PIK3C3: variants seen among roughly 807,000 people sequenced by gnomAD.
The protein encoded by PIK3C3 is phosphatidylinositol 3-kinase catalytic subunit type 3.
In PIK3C3, 95 loss-of-function variants were observed where a neutral mutation model predicts 126.1. That is an observed-to-expected ratio of 0.75 (90% CI 0.64 to 0.89). The LOEUF is 0.89. PIK3C3 is among the 40% of genes least tolerant of loss of function. The pLI, the probability that PIK3C3 is intolerant of heterozygous loss-of-function variation, is 0.00. For synonymous variants in PIK3C3, 374 were observed against 360.0 expected (o/e 1.04, Z -0.44); for missense variants, 829 against 1,063.2 (o/e 0.78, Z 3.06).
chr18:42,010,812 A>C (rs12457525), intron 10 of PIK3C3, among the ~76,000 whole-genome samples: 34,080 of 152,098 alleles, frequency 0.22, 4,306 homozygotes, highest in South Asian at 0.4. Flanking sequence ...TTTTGCCCAG[A>C]TCCATTACAG....
At chr18:42,071,551 C>A (rs1026787308) in intron 24 of PIK3C3, among the ~76,000 whole-genome samples, 1 of 151,936 alleles carries the variant, frequency 6.6e-6, no homozygotes. Context: ...GAAACCCTGT[C>A]TCTACTAAAA....
chr18:42,051,267 A>G (rs1984790625), intron 21 of PIK3C3: 1 of 152,246 alleles, frequency 6.6e-6, no homozygotes, highest in Non-Finnish European at 1.5e-5. Flanking sequence ...TAAAGTGTTC[A>G]ATAAATCAGT....
chr18:42,000,306 C>A (rs920159956), intron 9 of PIK3C3, among the ~76,000 whole-genome samples: 1 of 152,144 alleles, frequency 6.6e-6, no homozygotes, highest in African/African-American at 2.4e-5. Context: ...CCTGCCTCAG[C>A]CTCCCAAAGC....
At chr18:41,989,285 A>G (rs1226921190) in intron 5 of PIK3C3, among the ~76,000 whole-genome samples, 1 of 152,082 alleles carries the variant, frequency 6.6e-6, no homozygotes, top group African/African-American at 2.4e-5. Context: ...TGCCCAGGAT[A>G]GTCTCAGACT....
rs577497494 is a variant in PIK3C3 at position 42,018,989 on chromosome 18, T to C, written c.1417-1649T>C. On this transcript the variant is annotated intron_variant, in intron 12 of 24. Transcript: ENST00000262039. ...ACGTGTTGATCTTCCTGCTCTGCAG[T>C]GATTTTTCATACCATTTCCACTCTG... Among the ~76,000 whole-genome samples, 30 of 152,138 alleles carry C rather than the reference T, an allele frequency of 2.0e-4. No individual in the cohort carries two copies. The East Asian group carries it at 5.6e-3, about 28-fold the overall frequency.
At chr18:42,041,246 C>T (rs1042984216) in intron 19 of PIK3C3, among the ~76,000 whole-genome samples, 1 of 151,604 alleles carries the variant, frequency 6.6e-6, no homozygotes, top group Non-Finnish European at 1.5e-5. Context: ...AATTTGTTAA[C>T]GTTTATTTAT....
chr18:42,049,744 C>G, intron 21 of PIK3C3, 139 bp downstream of exon 21: 1 of 597,160 alleles, frequency 1.7e-6, no homozygotes, highest in Admixed American at 2.6e-5. Context: ...GAGGCCAAGG[C>G]GGGTGGATCA....
At chr18:42,066,188 GT>G (rs1258341491) in intron 23 of PIK3C3, among the ~76,000 whole-genome samples, 1 of 152,108 alleles carries the variant, frequency 6.6e-6, no homozygotes, top group Non-Finnish European at 1.5e-5. Flanking sequence ...CCACCAAATT[GT>G]TCTTGTCTTC....
intron 3 of PIK3C3, among the ~76,000 whole-genome samples, chr18:41,969,791 C>G (rs1980561282): frequency 6.6e-6 from 1 of 152,178 alleles, no homozygotes. Context: ...GATACAAGTC[C>G]TTTTATCCTA....
At chr18:41,971,474 A>AC (rs1267162812) in intron 4 of PIK3C3, 1 of 152,124 alleles carries the variant, frequency 6.6e-6, no homozygotes, top group Non-Finnish European at 1.5e-5. Context: ...AACTATATTG[A>AC]CCAATATACT....
At chr18:41,980,179 A>G (rs1169089370) in intron 4 of PIK3C3, among the ~76,000 whole-genome samples, 1 of 152,078 alleles carries the variant, frequency 6.6e-6, no homozygotes, top group Admixed American at 6.6e-5. Context: ...ATTGCTTTCA[A>G]TTGATTATAT....
chr18:42,031,452 C>T (rs768102106), intron 15 of PIK3C3, among the ~76,000 whole-genome samples: 2 of 152,144 alleles, frequency 1.3e-5, no homozygotes, highest in African/African-American at 2.4e-5. Flanking sequence ...AGTCTTGCTC[C>T]GTCGTCCAGG....
intron 23 of PIK3C3, among the ~76,000 whole-genome samples, chr18:42,065,281 C>T (rs1389122487): frequency 6.6e-6 from 1 of 152,054 alleles, no homozygotes; most frequent in East Asian, 1.9e-4. Context: ...TCCGTAGAAA[C>T]ACCCTGAGAT....
At chr18:42,053,214 A>C (rs1462666536) in intron 21 of PIK3C3, among the ~76,000 whole-genome samples, 1 of 152,222 alleles carries the variant, frequency 6.6e-6, no homozygotes, top group East Asian at 1.9e-4. Context: ...ATGTGAAAGA[A>C]AATGATTCGC....
At chr18:41,959,227 C>T (rs1223090810) in intron 2 of PIK3C3, among the ~76,000 whole-genome samples, 2 of 152,160 alleles carry the variant, frequency 1.3e-5, no homozygotes, top group East Asian at 3.9e-4. Flanking sequence ...TGTATAGTGG[C>T]TTCTGTTGCA....
Position 41,990,493 on chromosome 18 carries a change from T to C in PIK3C3, c.653T>C (p.Met218Thr). The change falls in exon 6 of 25, where the codon ATG becomes ACG. Residue 218 changes from methionine (M) to threonine (T), a missense_variant. Transcript: ENST00000262039. ...CGAAGTTCTAATTTCATGTACCTGA[T>C]GGTTGAATTTCGATGTGTCAAGTGT... is the stretch of plus-strand genomic sequence containing the variant. ...EKRSSNFMYL[M>T]VEFRCVKCDD... 3 of 1,600,132 alleles carry C rather than the reference T, an allele frequency of 1.9e-6. No individual in the cohort carries two copies. The highest frequency in any genetic ancestry group is 2.6e-6 in the Non-Finnish European group (3 of 1,167,922).
intron 24 of PIK3C3, among the ~76,000 whole-genome samples, chr18:42,071,606 G>C (rs969169163): frequency 1.3e-5 from 2 of 151,782 alleles, no homozygotes; most frequent in Non-Finnish European, 2.9e-5. Context: ...TGTAATCCCA[G>C]CTAGTCGGGA....
rs540805113 is a variant in PIK3C3 at position 41,963,158 on chromosome 18, C to T, written c.401+526C>T. 3.4e-4 allele frequency among the ~76,000 whole-genome samples: 52 copies of T among 152,178 alleles called. No individual in the cohort carries two copies. In the South Asian group the frequency reaches 7.3e-3, roughly 21 times the overall value. On this transcript the variant is annotated intron_variant, in intron 3 of 24. Coordinates refer to ENST00000262039, the MANE Select transcript of PIK3C3 (RefSeq NM_002647.4). Reference sequence around the variant, plus strand: ...CGTTTTTCTCCTGGGACAGAGGACTCAGTCTGTCTTTAGAGAATTTGTGAC... The same window carrying T: ...CGTTTTTCTCCTGGGACAGAGGACTTAGTCTGTCTTTAGAGAATTTGTGAC...
intron 3 of PIK3C3, among the ~76,000 whole-genome samples, chr18:41,969,555 A>G (rs1980547951): frequency 6.6e-6 from 1 of 152,224 alleles, no homozygotes; most frequent in South Asian, 2.1e-4. Flanking sequence ...AATTCTGGCT[A>G]TGTGCTAAAT....
Sources: allele counts gnomAD v4.1 joint callset (sites outside exome capture counted in the v4.1 genomes callset), GRCh38; gene constraint gnomAD v4.1.1; transcripts MANE v1.5; gene names NCBI Gene and HGNC (gene_info 2026-07-23, HGNC 2026-07-21).